Variants in ACTR2 observed in about 807,000 individuals in gnomAD.
ACTR2 encodes actin-related protein 2.
Under a neutral mutation model 50.2 loss-of-function variants are expected in ACTR2, and 5 were observed. That is an observed-to-expected ratio of 0.10 (90% CI 0.05 to 0.21). ACTR2 has a LOEUF of 0.21. Ranked by LOEUF, ACTR2 falls within the 10% of genes least tolerant of loss-of-function variation. The pLI, the probability that ACTR2 is intolerant of heterozygous loss-of-function variation, is 1.00. For missense variants in ACTR2, 180 were observed against 480.6 expected (o/e 0.37, Z 5.85); for synonymous variants, 140 against 162.9 (o/e 0.86, Z 1.07).
At chr2:65,247,515 G>A (rs1414766935) in intron 3 of ACTR2, among the ~76,000 whole-genome samples, 1 of 152,184 alleles carries the variant, frequency 6.6e-6, no homozygotes, top group Non-Finnish European at 1.5e-5. Flanking sequence ...GTGAACCCTT[G>A]AGGCAGAGCT....
chr2:65,257,309 A>G (rs10865349), intron 6 of ACTR2, among the ~76,000 whole-genome samples: 47,642 of 152,038 alleles, frequency 0.31, 8,070 homozygotes, highest in East Asian at 0.68. Context: ...ATAGTATTCC[A>G]TGGTGTATAT....
intron 8 of ACTR2, 191 bp downstream of exon 8, chr2:65,265,366 G>C (rs1672351554): frequency 2.9e-6 from 2 of 679,916 alleles, no homozygotes; most frequent in South Asian, 3.6e-5. Context: ...TATAGAGTTG[G>C]TGGATGGAGG....
chr2:65,233,087 C>T (rs571893798), intron 1 of ACTR2, among the ~76,000 whole-genome samples: 154 of 151,880 alleles, frequency 1.0e-3, no homozygotes, highest in Middle Eastern at 3.4e-3. Context: ...CTCCATCTCC[C>T]GGGTTCAAGC....
At chr2:65,246,107 G>A (rs1671933725) in intron 2 of ACTR2, 1 of 155,986 alleles carries the variant, frequency 6.4e-6, no homozygotes, top group South Asian at 2.0e-4. Context: ...GATATTTAGT[G>A]CAAAGAAATG....
At chr2:65,255,717 A>G in intron 6 of ACTR2, 23 bp downstream of exon 6, 1 of 1,585,828 alleles carries the variant, frequency 6.3e-7, no homozygotes, top group Non-Finnish European at 8.6e-7. Flanking sequence ...AGTGTATAAT[A>G]TATATGTGTT....
chr2:65,245,450 G>A (rs548872066), intron 2 of ACTR2, among the ~76,000 whole-genome samples: 3 of 152,242 alleles, frequency 2.0e-5, no homozygotes, highest in African/African-American at 7.2e-5. Flanking sequence ...AACCTGGGAG[G>A]CAGAGGTTGT....
intron 1 of ACTR2, among the ~76,000 whole-genome samples, chr2:65,229,750 CA>C (rs57953942): frequency 5.5e-3 from 297 of 54,032 alleles, no homozygotes; most frequent in African/African-American, 8.9e-3. Context: ...GACTCCGTCT[CA>C]AAAAAAAAAA....
At chr2:65,233,413 G>C (rs1182382773) in intron 1 of ACTR2, among the ~76,000 whole-genome samples, 2 of 151,848 alleles carry the variant, frequency 1.3e-5, no homozygotes, top group African/African-American at 2.4e-5. Context: ...CCAGCACTTT[G>C]GGAGGTAAAG....
At chr2:65,228,853 C>T (rs1203010757) in intron 1 of ACTR2, among the ~76,000 whole-genome samples, 2 of 152,134 alleles carry the variant, frequency 1.3e-5, no homozygotes, top group African/African-American at 2.4e-5. Flanking sequence ...CCCAGGCGGG[C>T]AGATCACCAG....
intron 7 of ACTR2, among the ~76,000 whole-genome samples, chr2:65,263,605 A>G (rs1422421422): frequency 3.3e-5 from 5 of 152,246 alleles, no homozygotes; most frequent in South Asian, 4.1e-4. Context: ...AAAAATAGCA[A>G]TTGACTCATA....
intron 6 of ACTR2, among the ~76,000 whole-genome samples, chr2:65,260,437 CAG>C (rs1322900614): frequency 6.6e-6 from 1 of 152,176 alleles, no homozygotes; most frequent in Non-Finnish European, 1.5e-5. Context: ...ACCTAGGAGA[CAG>C]AGGTTGCAGT....
At chr2:65,259,922 GTGAC>G (rs1672233862) in intron 6 of ACTR2, among the ~76,000 whole-genome samples, 2 of 152,160 alleles carry the variant, frequency 1.3e-5, no homozygotes, top group Admixed American at 1.3e-4. Flanking sequence ...AACATGATGT[GTGAC>G]TGACAAGATT....
Position 65,246,649 on chromosome 2 carries a change from A to C in ACTR2, c.285A>C (p.Pro95=). The part of the protein sequence containing the change: ...MKHLWDYTFG[P]EKLNIDTRNC... ...ACCTGTGGGACTACACATTTGGACC[A>C]GAGAAACTTAATATAGATACCAGAA... Residue 95 remains proline, a synonymous_variant, in exon 3 of 9, where the codon CCA becomes CCC. Transcript: ENST00000260641. 6.2e-7 allele frequency: 1 copy of C among 1,613,730 alleles called. No individual in the cohort carries two copies. Among genetic ancestry groups the C allele is most frequent in the South Asian group, 1.1e-5 (1 of 91,068 alleles).
chr2:65,265,976 A>C (rs534292403), intron 8 of ACTR2, among the ~76,000 whole-genome samples: 2 of 152,332 alleles, frequency 1.3e-5, no homozygotes, highest in East Asian at 3.9e-4. Flanking sequence ...ACATACATTA[A>C]ACAGATTAAC....
chr2:65,259,442 G>T (rs577208636), intron 6 of ACTR2, among the ~76,000 whole-genome samples: 1 of 151,886 alleles, frequency 6.6e-6, no homozygotes, highest in South Asian at 2.1e-4. Context: ...TATATGTATT[G>T]TAGGGCCAGG....
chr2:65,241,069 G>C (rs987225929), intron 2 of ACTR2, among the ~76,000 whole-genome samples: 14 of 151,686 alleles, frequency 9.2e-5, no homozygotes, highest in Non-Finnish European at 1.6e-4. Flanking sequence ...AAAATAAAAT[G>C]GGACACTCAG....
intron 6 of ACTR2, among the ~76,000 whole-genome samples, chr2:65,257,864 T>G (rs1573165503): frequency 1.3e-5 from 2 of 152,216 alleles, no homozygotes; most frequent in Non-Finnish European, 2.9e-5. Context: ...ATGGATAGAT[T>G]GCAAAAATTT....
At chr2:65,244,348 T>C (rs1478373179) in intron 2 of ACTR2, among the ~76,000 whole-genome samples, 1 of 143,456 alleles carries the variant, frequency 7.0e-6, no homozygotes, top group African/African-American at 2.5e-5. Context: ...AAAAATGGTA[T>C]ATATAATTAC....
chr2:65,238,347 T>C (rs536633575), intron 1 of ACTR2, among the ~76,000 whole-genome samples: 2 of 152,256 alleles, frequency 1.3e-5, no homozygotes, highest in South Asian at 4.1e-4. Flanking sequence ...TATTACTAAA[T>C]ATATTTATCT....
Sources: allele counts gnomAD v4.1 joint callset (sites outside exome capture counted in the v4.1 genomes callset), GRCh38; gene constraint gnomAD v4.1.1; transcripts MANE v1.5; gene names NCBI Gene and HGNC (gene_info 2026-07-23, HGNC 2026-07-21).